Variants in TSBP1 observed in about 807,000 individuals in gnomAD.
TSBP1 encodes the protein testis expressed basic protein 1.
In TSBP1, 56 loss-of-function variants were observed where a neutral mutation model predicts 68.8. The observed-to-expected ratio is 0.81, with a 90% CI of 0.66 to 1.02. The LOEUF (loss-of-function observed/expected upper bound fraction) is 1.02. Ranked by LOEUF, TSBP1 falls within the 50% of genes least tolerant of loss-of-function variation. TSBP1 has a pLI of 0.00. For missense variants in TSBP1, 502 were observed against 641.2 expected, an observed-to-expected ratio of 0.78 and a Z score of 2.34; for synonymous variants, 171 against 208.7, an observed-to-expected ratio of 0.82 and a Z score of 1.56.
At position 32,304,816 on chromosome 6, in the gene TSBP1, T is replaced by G. The variant is rs2127567963; in HGVS notation, c.581-2187A>C. Among the ~76,000 whole-genome samples, 1 of 151,558 alleles carries G rather than the reference T, an allele frequency of 6.6e-6. No homozygotes were observed. Among genetic ancestry groups the G allele is most frequent in the Non-Finnish European group, 1.5e-5 (1 of 67,834 alleles). On this transcript the variant is annotated intron_variant, in intron 19 of 22. Transcript: ENST00000612031. The surrounding 1 kb of genome is among the most constrained non-coding windows in gnomAD (Gnocchi z 4.8). ...CACCTTTTCTTTTTCTTTTCAGTTT[T>G]TATGAGAATTTAAAACTCTTCAAGA...
At chr6:32,303,633 A>G (rs1383331521) in intron 19 of TSBP1, among the ~76,000 whole-genome samples, 1 of 152,038 alleles carries the variant, frequency 6.6e-6, no homozygotes, top group East Asian at 1.9e-4. Flanking sequence ...TTTTGAAAAA[A>G]TTGGTGTATT....
At chr6:32,311,952 C>G (rs549187887) in intron 19 of TSBP1, among the ~76,000 whole-genome samples, 29 of 152,252 alleles carry the variant, frequency 1.9e-4, no homozygotes, top group African/African-American at 6.7e-4. Flanking sequence ...GTTCAGTGGG[C>G]AGTGCAAAAT....
intron 22 of TSBP1, 75 bp from the exon 26 acceptor site, chr6:32,294,110 C>T: frequency 6.3e-7 from 1 of 1,576,390 alleles, no homozygotes. Flanking sequence ...CCCCTTGATA[C>T]TGGTTCCTTT....
rs1380971390 is a variant in TSBP1, at chr6:32,333,764, A to G, written c.472+1673T>C. ...GGTTAGTTGAATCTAAAAAGACCAT[A>G]TCTTCACCCAGTGGGCATTGCAGTT... On this transcript the variant is annotated intron_variant, in intron 14 of 22. Coordinates refer to ENST00000612031, the Ensembl canonical transcript of TSBP1. This position sits in a 1 kb window ranked among gnomAD's most constrained non-coding sequence, Gnocchi z 4.2. Among the ~76,000 whole-genome samples the G allele has an allele frequency of 1.3e-5, 2 of 152,204 alleles. No individual in the cohort carries two copies. Among genetic ancestry groups the G allele is most frequent in the Non-Finnish European group, 2.9e-5 (2 of 68,040 alleles).
At chr6:32,359,256 C>T (rs1772716333) in intron 6 of TSBP1, among the ~76,000 whole-genome samples, 1 of 152,070 alleles carries the variant, frequency 6.6e-6, no homozygotes, top group African/African-American at 2.4e-5. Flanking sequence ...GTTTACAGCC[C>T]CACCAACAGT....
intron 8 of TSBP1, chr6:32,353,092 C>T (rs1046165159): frequency 6.6e-6 from 1 of 151,940 alleles, no homozygotes; most frequent in East Asian, 1.9e-4. Context: ...GAATTTTACC[C>T]ATAGATATAC....
At chr6:32,326,435 A>AT (rs941659381) in intron 16 of TSBP1, among the ~76,000 whole-genome samples, 5 of 151,600 alleles carry the variant, frequency 3.3e-5, no homozygotes, top group African/African-American at 4.8e-5. Context: ...TTTAATGTAG[A>AT]TTTTTTTTTG....
intron 15 of TSBP1, among the ~76,000 whole-genome samples, chr6:32,330,956 G>T (rs1015760342): frequency 6.6e-6 from 1 of 152,072 alleles, no homozygotes; most frequent in Non-Finnish European, 1.5e-5. Flanking sequence ...GAACCACTGC[G>T]CCTGGCCCCA....
At position 32,315,887 on chromosome 6, in the gene TSBP1, G is replaced by T; in HGVS notation, c.560-95C>A. ...ATTTTGTTGGAGTCTGTGAGGGGAG[G>T]ACTTGTGTGGGCAAAGAAGGAAGCA... On this transcript the variant is annotated intron_variant, in intron 18 of 22. Transcript: ENST00000612031. This position sits in a 1 kb window ranked among gnomAD's most constrained non-coding sequence, Gnocchi z 5.4. The T allele has an allele frequency of 1.3e-6, 1 of 748,074 alleles. No homozygotes were observed. The highest frequency in any genetic ancestry group is 2.1e-6 in the Non-Finnish European group (1 of 468,014). 46.3% of individuals were successfully genotyped at this position (748,074 alleles called of 1,614,324 possible).
At chr6:32,342,247 C>T (rs988478972) in intron 9 of TSBP1, among the ~76,000 whole-genome samples, 2 of 151,752 alleles carry the variant, frequency 1.3e-5, no homozygotes, top group African/African-American at 2.4e-5. Context: ...TCACTGCAAC[C>T]TCCTCTCCCA....
chr6:32,332,710 A>C (rs1267208288), intron 14 of TSBP1, among the ~76,000 whole-genome samples: 1 of 151,940 alleles, frequency 6.6e-6, no homozygotes. Flanking sequence ...CCTGGGCTCA[A>C]GTGATCCTCC....
chr6:32,369,373 A>T (rs1178137760), intron 2 of TSBP1, among the ~76,000 whole-genome samples: 23 of 127,008 alleles, frequency 1.8e-4, no homozygotes, highest in Non-Finnish European at 2.6e-4. Context: ...AAACTCTGTG[A>T]TTTTTTTTTT....
At chr6:32,326,053 A>C in intron 16 of TSBP1, 2 of 1,481,264 alleles carry the variant, frequency 1.4e-6, no homozygotes, top group East Asian at 4.5e-5. Flanking sequence ...GAAGGGAGGA[A>C]ACTTTGGAGG....
At position 32,340,923 on chromosome 6, in the gene TSBP1, G is replaced by A. The variant is rs942161023; in HGVS notation, c.350-1285C>T. The stretch of plus-strand genomic sequence containing the variant: ...TCATTCTTGTGCCTCAGCCTCCTGA[G>A]TAGCTGGGATTACAGGCATGTGCCA... On this transcript the variant is annotated intron_variant, in intron 9 of 22. Coordinates refer to ENST00000612031, the Ensembl canonical transcript of TSBP1. This position sits in a 1 kb window ranked among gnomAD's most constrained non-coding sequence, Gnocchi z 4.8. 2.6e-5 allele frequency among the ~76,000 whole-genome samples: 4 copies of A among 152,052 alleles called. No homozygotes were observed. Among genetic ancestry groups the A allele is most frequent in the Non-Finnish European group, 5.9e-5 (4 of 68,012 alleles).
intron 22 of TSBP1, among the ~76,000 whole-genome samples, chr6:32,294,605 G>A (rs989951388): frequency 6.6e-6 from 1 of 152,178 alleles, no homozygotes; most frequent in African/African-American, 2.4e-5. Flanking sequence ...TCATTTTACA[G>A]ATGAAGAAAC....
chr6:32,358,934 A>ATTATTATTAT (rs1562181079), intron 6 of TSBP1, among the ~76,000 whole-genome samples: 4 of 130,724 alleles, frequency 3.1e-5, no homozygotes, highest in African/African-American at 8.3e-5. Context: ...TATTATTATT[A>ATTATTATTAT]TACTTTAAGT....
Position 32,335,978 on chromosome 6 carries a change from C to T in TSBP1, c.431-46G>A, listed in dbSNP as rs747406037. The T allele has an allele frequency of 6.5e-7, 1 of 1,541,112 alleles. No homozygotes were observed. ...GAAAGAAAAAGATATCAGTATGCTT[C>T]ACCACTGTGAAGGAAATTTCCATTT... On this transcript the variant is annotated intron_variant, in intron 12 of 22. Transcript: ENST00000612031. The surrounding 1 kb of genome is among the most constrained non-coding windows in gnomAD (Gnocchi z 5.5).
Position 32,333,869 on chromosome 6 carries a change from A to T in TSBP1, c.472+1568T>A. The stretch of plus-strand genomic sequence containing the variant: ...ATAATCCTCGAACTTTTAACTCTGA[A>T]TTTTTTTTTTCCTGTGTAAAACACC... On this transcript the variant is annotated intron_variant, in intron 14 of 22. Transcript: ENST00000612031. This position sits in a 1 kb window ranked among gnomAD's most constrained non-coding sequence, Gnocchi z 4.2. 1 of 159,086 alleles carries T rather than the reference A, an allele frequency of 6.3e-6. No homozygotes were observed. Among genetic ancestry groups the T allele is most frequent in the Non-Finnish European group, 1.4e-5 (1 of 70,634 alleles). 9.9% of individuals were successfully genotyped at this position (159,086 alleles called of 1,614,324 possible).
At chr6:32,294,835 C>A (rs1350097440) in intron 22 of TSBP1, among the ~76,000 whole-genome samples, 3 of 151,916 alleles carry the variant, frequency 2.0e-5, no homozygotes, top group South Asian at 2.1e-4. Flanking sequence ...ATTTAACAAA[C>A]CTGAATTTAT....
Sources: gnomAD v4.1 joint callset for allele counts (sites outside exome capture counted in the v4.1 genomes callset) on GRCh38, gnomAD v4.1.1 for gene constraint, Gnocchi (gnomAD v3.1) non-coding constraint, MANE v1.5 for transcripts, NCBI Gene and HGNC (gene_info 2026-07-23, HGNC 2026-07-21) for gene names.